TREH: variants seen among roughly 807,000 people sequenced by gnomAD.
TREH encodes alpha,alpha-trehalose glucohydrolase.
Under a neutral mutation model 80.5 loss-of-function variants are expected in TREH, and 69 were observed. The observed-to-expected ratio is 0.86, with a 90% CI of 0.71 to 1.05. TREH has a LOEUF of 1.05. Ranked by LOEUF, TREH falls within the 50% of genes least tolerant of loss-of-function variation. TREH has a pLI of 0.00. For synonymous variants in TREH, 309 were observed against 293.5 expected (o/e 1.05, Z -0.54); for missense variants, 716 against 718.8 (o/e 1.00, Z 0.04).
chr11:118,666,759 C>T (rs1949381568), intron 1 of TREH, among the ~76,000 whole-genome samples: 1 of 152,170 alleles, frequency 6.6e-6, no homozygotes, highest in South Asian at 2.1e-4. Context: ...TTAAAATGAG[C>T]GAAATACAGC....
chr11:118,663,949 C>G (rs982723410), intron 1 of TREH, among the ~76,000 whole-genome samples: 2 of 152,088 alleles, frequency 1.3e-5, no homozygotes, highest in African/African-American at 4.8e-5. Context: ...CGGCAGGACA[C>G]AAAATAATCC....
rs782349165 is a variant in TREH, at chr11:118,659,402, G to C, written c.1400C>G (p.Ala467Gly). The part of the protein sequence containing the change: ...KTGQQWDFPN[A>G]WAPLQDLVIR... Reference sequence around the variant, plus strand: ...GACCAGGTCCTGCAGGGGGGCCCAGGCATTGGGGAAATCCCACTGCTGGCC... The same window carrying C: ...GACCAGGTCCTGCAGGGGGGCCCAGCCATTGGGGAAATCCCACTGCTGGCC... The change falls in exon 12 of 15, where the codon GCC becomes GGC. Residue 467 changes from alanine to glycine, a missense_variant. Transcript: ENST00000264029. 6.2e-6 allele frequency: 10 copies of C among 1,602,144 alleles called. No homozygotes were observed. Among genetic ancestry groups the C allele is most frequent in the Non-Finnish European group, 8.5e-6 (10 of 1,173,876 alleles).
At chr11:118,677,220 A>G (rs1446192911) in intron 1 of TREH, among the ~76,000 whole-genome samples, 2 of 152,236 alleles carry the variant, frequency 1.3e-5, no homozygotes, top group African/African-American at 4.8e-5. Flanking sequence ...CTGACCTCCA[A>G]TAAAAACACT....
rs75730273 is a variant in TREH at position 118,658,044 on chromosome 11, G to A, written c.*245C>T. 3,274 of 552,548 alleles carry A rather than the reference G, an allele frequency of 5.9e-3. 80 individuals are homozygous for A. Among genetic ancestry groups the A allele is most frequent in the African/African-American group, 0.055 (2,958 of 53,472 alleles). The allele number at this position is 552,548 out of a possible 1,614,324, so 34.2% of individuals were successfully genotyped here. On this transcript the variant is annotated 3_prime_UTR_variant, in exon 15 of 15. Coordinates refer to ENST00000264029, the MANE Select transcript of TREH (RefSeq NM_007180.3). ...GACTACGGAAGTGAGTGGAAGGCCGGTGTGGGGCTTGGCGCTGAGGCACTT... is the reference window on the plus strand; with the variant it reads ...GACTACGGAAGTGAGTGGAAGGCCGATGTGGGGCTTGGCGCTGAGGCACTT...
chr11:118,658,624 A>C (rs1267275139), intron 14 of TREH, 56 bp downstream of exon 14: 22 of 1,551,536 alleles, frequency 1.4e-5, no homozygotes, highest in Non-Finnish European at 1.5e-5. Flanking sequence ...GGGGGTCATG[A>C]GCAGCAGAGT....
At chr11:118,666,178 G>A (rs967166624) in intron 1 of TREH, among the ~76,000 whole-genome samples, 16 of 152,000 alleles carry the variant, frequency 1.1e-4, no homozygotes, top group Admixed American at 2.6e-4. Flanking sequence ...GGTTGCAGTG[G>A]GCCGGTATTG....
chr11:118,677,881 C>A (rs1356824821), intron 1 of TREH, among the ~76,000 whole-genome samples: 6 of 152,206 alleles, frequency 3.9e-5, no homozygotes, highest in African/African-American at 1.4e-4. Flanking sequence ...GACCACCCAG[C>A]CTCTCTGAAG....
rs1063496 is a variant in TREH at position 118,657,906 on chromosome 11, C to T, written c.*383G>A. The stretch of plus-strand genomic sequence containing the variant: ...TCTGGCCTCGCCCTTCACGCCTTAA[C>T]ACTAAGCCCACCTCCCCTGCTCTCC... On this transcript the variant is annotated 3_prime_UTR_variant, in exon 15 of 15. Transcript: ENST00000264029. 267 of 206,984 alleles carry T rather than the reference C, an allele frequency of 1.3e-3. 7 individuals are homozygous for T. In the South Asian group the frequency reaches 0.028, roughly 22 times the overall value. The allele number at this position is 206,984 out of a possible 1,614,324, so 12.8% of individuals were successfully genotyped here.
chr11:118,660,037 C>T lies in TREH; in HGVS notation c.1103-73G>A, dbSNP rs972848033. ...GCCCCAGGCTTTTTTCGTGGTTCTACTTTAGCCTCCCCGCTTTGTGTTTCT... is the reference window on the plus strand; with the variant it reads ...GCCCCAGGCTTTTTTCGTGGTTCTATTTTAGCCTCCCCGCTTTGTGTTTCT... On this transcript the variant is annotated intron_variant, in intron 10 of 14. Transcript: ENST00000264029. 7 of 1,376,006 alleles carry T rather than the reference C, an allele frequency of 5.1e-6. No individual in the cohort carries two copies. In the African/African-American group the frequency reaches 5.8e-5, roughly 11 times the overall value. 85.2% of individuals were successfully genotyped at this position (1,376,006 alleles called of 1,614,324 possible). A position where few individuals can be genotyped will look rare whatever the true frequency, so the allele number is the denominator to read the frequency against.
Position 118,661,719 on chromosome 11 carries a change from A to G in TREH, c.535T>C (p.Trp179Arg). The change falls in exon 6 of 15, where the codon TGG (tryptophan) becomes CGG (arginine). Residue 179 changes from tryptophan to arginine, a missense_variant. Trp to Arg is a moderately radical substitution (Grantham distance 101). Transcript: ENST00000264029. The surrounding 1 kb of genome is among the most constrained non-coding windows in gnomAD (Gnocchi z 4.2). Reference sequence around the variant, plus strand: ...GAGAGGAGCAGACCCTCCATGACCCAGTAGGAGTCCCTGGGGAAGGGGCAG... The same window carrying G: ...GAGAGGAGCAGACCCTCCATGACCCGGTAGGAGTCCCTGGGGAAGGGGCAG... Reference protein sequence around the residue: ...FVEFYYWDSYWVMEGLLLSEM... With the variant: ...FVEFYYWDSYRVMEGLLLSEM... 1 of 1,613,902 alleles carries G rather than the reference A, an allele frequency of 6.2e-7. No individual in the cohort carries two copies.
At position 118,658,930 on chromosome 11, in the gene TREH, G is replaced by A. The variant is rs782328530; in HGVS notation, c.1520C>T (p.Ser507Leu). 8.1e-6 allele frequency: 13 copies of A among 1,613,914 alleles called. No homozygotes were observed. The highest frequency in any genetic ancestry group is 4.4e-5 in the South Asian group (4 of 91,066). ...CTTCTCATACATGGCTGACTTCTGC[G>A]AGTAGACATCAAAATTGGTTCGGAT... ...NWIRTNFDVYSQKSAMYEKYD... is the reference protein window; with the variant it reads ...NWIRTNFDVYLQKSAMYEKYD... The change falls in exon 13 of 15, where the codon TCG becomes TTG. Residue 507 changes from serine (S) to leucine (L), a missense_variant. By Grantham distance (145) the Ser-to-Leu change is moderately radical. Transcript: ENST00000264029.
chr11:118,665,868 A>G (rs1237851742), intron 1 of TREH, among the ~76,000 whole-genome samples: 9 of 152,216 alleles, frequency 5.9e-5, no homozygotes, highest in African/African-American at 2.2e-4. Context: ...CTGCAACACT[A>G]CTATTACTGC....
intron 1 of TREH, among the ~76,000 whole-genome samples, chr11:118,675,734 C>G (rs1365556160): frequency 6.6e-6 from 1 of 152,166 alleles, no homozygotes; most frequent in Non-Finnish European, 1.5e-5. Context: ...GACAGGGTCT[C>G]ACTCTGTCAC....
intron 1 of TREH, among the ~76,000 whole-genome samples, chr11:118,673,733 G>A (rs142186275): frequency 2.4e-4 from 36 of 152,210 alleles, no homozygotes; most frequent in African/African-American, 7.7e-4. Context: ...TTGTCCTTCC[G>A]CCTGACCATA....
Position 118,658,175 on chromosome 11 carries a change from T to A in TREH, c.*114A>T. On this transcript the variant is annotated 3_prime_UTR_variant, in exon 15 of 15. Coordinates refer to ENST00000264029, the MANE Select transcript of TREH (RefSeq NM_007180.3). ...CCAGGTCGTGACCCTGCCCTCCACT[T>A]CGCTCTGAGGACAGGCTGGGAGGTA... 3 of 1,420,346 alleles carry A rather than the reference T, an allele frequency of 2.1e-6. No individual in the cohort carries two copies. Among genetic ancestry groups the A allele is most frequent in the Non-Finnish European group, 2.8e-6 (3 of 1,056,374 alleles). 88.0% of individuals were successfully genotyped at this position (1,420,346 alleles called of 1,614,324 possible). A position where few individuals can be genotyped will look rare whatever the true frequency, so the allele number is the denominator to read the frequency against.
intron 1 of TREH, among the ~76,000 whole-genome samples, chr11:118,669,074 C>CA: frequency 6.6e-6 from 1 of 152,216 alleles, no homozygotes; most frequent in Middle Eastern, 3.4e-3. Context: ...ATACAAATGG[C>CA]AAACAAGCAA....
intron 10 of TREH, among the ~76,000 whole-genome samples, chr11:118,660,234 C>G (rs782421733): frequency 1.3e-5 from 2 of 152,120 alleles, no homozygotes; most frequent in African/African-American, 2.4e-5. Flanking sequence ...TCCCCTAGCT[C>G]TTAGGGGGTC....
chr11:118,674,289 T>C lies in TREH; in HGVS notation c.89+5250A>G, dbSNP rs1237403149. Among the ~76,000 whole-genome samples, 2 of 152,222 alleles carry C rather than the reference T, an allele frequency of 1.3e-5. No individual in the cohort carries two copies. The highest frequency in any genetic ancestry group is 2.9e-5 in the Non-Finnish European group (2 of 68,034). The stretch of plus-strand genomic sequence containing the variant: ...CGTGCCAGGAGGTGCTCTAAGACTT[T>C]TGCTATAAAGTCCAGTCTATGCTCC... On this transcript the variant is annotated intron_variant, in intron 1 of 14. Transcript: ENST00000264029. The surrounding 1 kb of genome is among the most constrained non-coding windows in gnomAD (Gnocchi z 4.4).
At chr11:118,676,785 G>GGAAA (rs1392837693) in intron 1 of TREH, among the ~76,000 whole-genome samples, 10 of 145,294 alleles carry the variant, frequency 6.9e-5, no homozygotes, top group African/African-American at 2.3e-4. Context: ...AAAAAAGAAA[G>GGAAA]AAAAAAACAA....
Sources: allele counts gnomAD v4.1 joint callset (sites outside exome capture counted in the v4.1 genomes callset), GRCh38; gene constraint gnomAD v4.1.1; non-coding constraint Gnocchi (gnomAD v3.1); transcripts MANE v1.5; gene names NCBI Gene and HGNC (gene_info 2026-07-23, HGNC 2026-07-21).